The following ITGB2 variants were observed in gnomAD, a reference collection of about 807,000 sequenced individuals.
ITGB2 encodes integrin beta-2.
ITGB2 carries 56 observed loss-of-function variants against 86.8 expected under a neutral mutation model. That is an observed-to-expected ratio of 0.65 (90% CI 0.52 to 0.81). The LOEUF is 0.81. ITGB2 is among the 30% of genes least tolerant of loss of function. The pLI, the probability that ITGB2 is intolerant of heterozygous loss-of-function variation, is 0.00. For missense variants in ITGB2, 948 were observed against 1,061.2 expected, an observed-to-expected ratio of 0.89 and a Z score of 1.48; for synonymous variants, 457 against 450.4, an observed-to-expected ratio of 1.01 and a Z score of -0.19.
intron 1 of ITGB2, among the ~76,000 whole-genome samples, chr21:44,916,201 G>C (rs939182312): frequency 6.6e-6 from 1 of 152,198 alleles, no homozygotes; most frequent in South Asian, 2.1e-4. Flanking sequence ...GATTACAGGC[G>C]TGAGCCACTG....
At chr21:44,902,874 T>C (rs113508578) in intron 5 of ITGB2, among the ~76,000 whole-genome samples, 1 of 152,232 alleles carries the variant, frequency 6.6e-6, no homozygotes, top group Non-Finnish European at 1.5e-5. Context: ...AGAGTGCCGA[T>C]GTGAGAAGCC....
intron 14 of ITGB2, among the ~76,000 whole-genome samples, chr21:44,887,863 G>A (rs541041493): frequency 2.0e-5 from 3 of 152,318 alleles, no homozygotes; most frequent in South Asian, 2.1e-4. Context: ...GACCCCCGCC[G>A]CCTGCCTCGG....
intron 1 of ITGB2, among the ~76,000 whole-genome samples, chr21:44,915,199 T>C (rs1264775001): frequency 6.6e-6 from 1 of 152,152 alleles, no homozygotes; most frequent in Non-Finnish European, 1.5e-5. Context: ...AATTTTTTTG[T>C]GTTTTTAGTA....
chr21:44,900,883 T>C (rs1044814736), intron 6 of ITGB2, among the ~76,000 whole-genome samples: 6 of 152,170 alleles, frequency 3.9e-5, no homozygotes, highest in Admixed American at 2.6e-4. Context: ...GAGTCCACCA[T>C]TGACAGCCCC....
intron 9 of ITGB2, 47 bp downstream of exon 9, chr21:44,894,924 T>A: frequency 1.5e-6 from 2 of 1,308,678 alleles, no homozygotes; most frequent in Non-Finnish European, 2.2e-6. Flanking sequence ...AGTGGGGAGA[T>A]TGCTGGCCAC....
Position 44,903,648 on chromosome 21 carries a change from A to G in ITGB2, c.329-113T>C. On this transcript the variant is annotated intron_variant, in intron 4 of 15. Transcript: ENST00000652462. ...TGGCACCCTCTCCTCCAGCCCCCAA[A>G]TCCTCCTGACCTCCCCTCTCCCCGC... is the stretch of plus-strand genomic sequence containing the variant. 5 of 1,257,694 alleles carry G rather than the reference A, an allele frequency of 4.0e-6. No homozygotes were observed. The South Asian group carries it at 6.3e-5, about 16-fold the overall frequency. 77.9% of individuals were successfully genotyped at this position (1,257,694 alleles called of 1,614,324 possible). A position where few individuals can be genotyped will look rare whatever the true frequency, so the allele number is the denominator to read the frequency against.
At position 44,900,281 on chromosome 21, in the gene ITGB2, C is replaced by T. The variant is rs35779896; in HGVS notation, c.897+39G>A. The T allele has an allele frequency of 1.0e-4, 161 of 1,613,742 alleles. 2 individuals carry two copies. In the East Asian group the frequency reaches 3.6e-3, roughly 36 times the overall value. ...CCTTGTCTCCTCCGTCAGTGGTGTC[C>T]TGCCAGGCGGTGCCTGGGTGCCTGG... On this transcript the variant is annotated intron_variant, in intron 7 of 15. Transcript: ENST00000652462.
intron 1 of ITGB2, among the ~76,000 whole-genome samples, chr21:44,916,388 C>G (rs113721258): frequency 0.016 from 2,460 of 152,164 alleles, 59 homozygotes; most frequent in African/African-American, 0.056. Flanking sequence ...CAAGGGGACA[C>G]CACTCCTCCA....
chr21:44,904,409 C>G (rs757509674), intron 4 of ITGB2, among the ~76,000 whole-genome samples: 1 of 151,754 alleles, frequency 6.6e-6, no homozygotes, highest in Non-Finnish European at 1.5e-5. Flanking sequence ...ACAAATATAA[C>G]TCATGCACAC....
upstream of ITGB2, among the ~76,000 whole-genome samples, chr21:44,922,040 A>G (rs1475759598): frequency 6.6e-6 from 1 of 152,248 alleles, no homozygotes; most frequent in Non-Finnish European, 1.5e-5. Context: ...CTCTGTTTTA[A>G]AGATGTCTTG....
At chr21:44,909,168 A>G (rs1023379847) in intron 3 of ITGB2, among the ~76,000 whole-genome samples, 1 of 152,206 alleles carries the variant, frequency 6.6e-6, no homozygotes, top group South Asian at 2.1e-4. Context: ...ACCAGCCCAC[A>G]GTGGCTGCGA....
rs1568890038 is a variant in ITGB2 at position 44,899,160 on chromosome 21, G to A, written c.900C>T (p.Asp300=). Residue 300 remains aspartate (D), a splice_region_variant and synonymous_variant, in exon 8 of 16, where the codon GAC becomes GAT. Transcript: ENST00000652462. ...GCGCCAGCTGGCCCACCGATGGGTA[G>A]TCCTGGAGAGAGGAGGTCCTGCTCA... ...DNLYKRSNEF[D]YPSVGQLAHK... is the part of the protein sequence containing the mutation. 1.2e-6 allele frequency: 2 copies of A among 1,613,002 alleles called. No homozygotes were observed. The highest frequency in any genetic ancestry group is 1.7e-6 in the Non-Finnish European group (2 of 1,179,060).
chr21:44,916,155 T>G (rs1015133005), intron 1 of ITGB2, among the ~76,000 whole-genome samples: 2 of 152,082 alleles, frequency 1.3e-5, no homozygotes, highest in African/African-American at 4.8e-5. Context: ...ACTCCTGACC[T>G]CGTGATCCGC....
upstream of ITGB2, chr21:44,922,853 TA>T (rs1386867533): frequency 6.6e-6 from 1 of 152,082 alleles, no homozygotes; most frequent in Admixed American, 6.5e-5. Context: ...GTTTTAGAAA[TA>T]AAGAGACAAA....
intron 14 of ITGB2, 24 bp downstream of exon 14, chr21:44,888,669 C>T (rs202213813): frequency 6.6e-5 from 105 of 1,601,822 alleles, no homozygotes; most frequent in Middle Eastern, 1.7e-4. Context: ...GGAGCCGGTC[C>T]CCGCTGCACC....
Position 44,891,924 on chromosome 21 carries a change from A to G in ITGB2, c.1297T>C (p.Phe433Leu). The G allele has an allele frequency of 6.2e-7, 1 of 1,613,468 alleles. No individual in the cohort carries two copies. Among genetic ancestry groups the G allele is most frequent in the Non-Finnish European group, 8.5e-7 (1 of 1,179,988 alleles). The change falls in exon 11 of 16, where the codon TTC (phenylalanine) becomes CTC (leucine). Residue 433 changes from phenylalanine to leucine, a missense_variant. Coordinates refer to ENST00000652462, the MANE Select transcript of ITGB2 (RefSeq NM_000211.5). Reference protein sequence around the residue: ...EQSFVIRALGFTDIVTVQVLP... With the variant: ...EQSFVIRALGLTDIVTVQVLP... The stretch of plus-strand genomic sequence containing the variant: ...ACCTGCACGGTCACTATGTCCGTGA[A>G]GCCCAGCGCCCGGATGACAAACGAC...
intron 1 of ITGB2, among the ~76,000 whole-genome samples, chr21:44,926,223 G>C (rs894689444): frequency 1.4e-5 from 1 of 70,332 alleles, no homozygotes; most frequent in Non-Finnish European, 2.6e-5. Context: ...ACCTTGCTAT[G>C]GGGGGACCCA....
intron 1 of ITGB2, among the ~76,000 whole-genome samples, chr21:44,915,144 T>G (rs2084187929): frequency 6.6e-6 from 1 of 151,976 alleles, no homozygotes; most frequent in South Asian, 2.1e-4. Flanking sequence ...CTGCCTCAGC[T>G]TCCTGAGTAG....
chr21:44,894,492 C>T (rs955907882), intron 9 of ITGB2: 22 of 237,994 alleles, frequency 9.2e-5, no homozygotes, highest in South Asian at 5.0e-4. Flanking sequence ...GGGTGCAGCT[C>T]GATGGGCCGT....
Sources: allele counts gnomAD v4.1 joint callset (sites outside exome capture counted in the v4.1 genomes callset), GRCh38; gene constraint gnomAD v4.1.1; transcripts MANE v1.5; gene names NCBI Gene and HGNC (gene_info 2026-07-23, HGNC 2026-07-21).